Variants in PITPNB observed in about 807,000 individuals in gnomAD.
PITPNB encodes phosphatidylinositol transfer protein beta.
A neutral mutation model predicts 45.9 loss-of-function variants in PITPNB; 16 were observed. The ratio of observed to expected loss-of-function variants is 0.35; its 90% CI spans 0.24 to 0.53. The LOEUF is 0.53. Ranked by LOEUF, PITPNB falls within the 20% of genes least tolerant of loss-of-function variation. The pLI, the probability that PITPNB is intolerant of heterozygous loss-of-function variation, is 0.93. For synonymous variants in PITPNB, 112 were observed against 108.9 expected (o/e 1.03, Z -0.18); for missense variants, 188 against 330.5 (o/e 0.57, Z 3.34).
intron 7 of PITPNB, among the ~76,000 whole-genome samples, chr22:27,887,380 AAG>A (rs1226981047): frequency 3.3e-5 from 5 of 152,198 alleles, no homozygotes; most frequent in African/African-American, 9.6e-5. Context: ...TTTACAAAGC[AAG>A]AGAGTCAGGC....
chr22:27,879,791 A>C (rs1934917291), intron 7 of PITPNB, among the ~76,000 whole-genome samples: 1 of 152,156 alleles, frequency 6.6e-6, no homozygotes, highest in South Asian at 2.1e-4. Flanking sequence ...AACATATTAT[A>C]TCAATTTCCT....
At chr22:27,902,133 C>CT (rs2146411635) in intron 3 of PITPNB, among the ~76,000 whole-genome samples, 1 of 152,094 alleles carries the variant, frequency 6.6e-6, no homozygotes, top group Non-Finnish European at 1.5e-5. Flanking sequence ...GAACAGGGTA[C>CT]TGGGCAATCA....
intron 9 of PITPNB, 82 bp downstream of exon 9, chr22:27,860,049 T>C: frequency 1.3e-6 from 1 of 763,632 alleles, no homozygotes; most frequent in Non-Finnish European, 2.3e-6. Flanking sequence ...GGAAAAAAAG[T>C]AATAACAGAG....
chr22:27,871,623 A>G (rs1934661070), intron 8 of PITPNB, among the ~76,000 whole-genome samples: 1 of 152,232 alleles, frequency 6.6e-6, no homozygotes, highest in Non-Finnish European at 1.5e-5. Flanking sequence ...GAAGCTAGAA[A>G]TCTGGAAAAG....
At chr22:27,855,510 A>G (rs1254526164) in intron 10 of PITPNB, among the ~76,000 whole-genome samples, 1 of 152,250 alleles carries the variant, frequency 6.6e-6, no homozygotes, top group Non-Finnish European at 1.5e-5. Flanking sequence ...TCATAACAAT[A>G]GCCTCCAGAC....
At chr22:27,893,802 G>T (rs1029396919) in intron 7 of PITPNB, among the ~76,000 whole-genome samples, 9 of 151,906 alleles carry the variant, frequency 5.9e-5, no homozygotes, top group African/African-American at 2.2e-4. Context: ...TGTTGTCCAG[G>T]CTGGTCTCAA....
intron 8 of PITPNB, among the ~76,000 whole-genome samples, chr22:27,863,696 T>G (rs1267919782): frequency 6.6e-6 from 1 of 152,214 alleles, no homozygotes; most frequent in Non-Finnish European, 1.5e-5. Flanking sequence ...AGCAATTTTA[T>G]AAAAACAGTG....
intron 7 of PITPNB, among the ~76,000 whole-genome samples, chr22:27,891,492 T>C (rs920892967): frequency 3.9e-5 from 6 of 152,222 alleles, no homozygotes; most frequent in Non-Finnish European, 5.9e-5. Flanking sequence ...GGCTGTATGA[T>C]AAGATCTGGC....
chr22:27,887,250 T>C (rs112252959), intron 7 of PITPNB, among the ~76,000 whole-genome samples: 2,565 of 152,294 alleles, frequency 0.017, 37 homozygotes, highest in African/African-American at 0.039. Flanking sequence ...CGATCTCCCA[T>C]TCAGAAGGTG....
intron 7 of PITPNB, among the ~76,000 whole-genome samples, chr22:27,892,072 CT>C (rs750953319): frequency 2.6e-5 from 4 of 152,208 alleles, no homozygotes; most frequent in Non-Finnish European, 5.9e-5. Context: ...TCAATCCAGT[CT>C]TTTTCACTAG....
At chr22:27,893,582 C>CTTTTTTTT (rs745878388) in intron 7 of PITPNB, among the ~76,000 whole-genome samples, 8 of 74,046 alleles carry the variant, frequency 1.1e-4, no homozygotes, top group Admixed American at 4.0e-4. Context: ...CATGTCTAGC[C>CTTTTTTTT]TTTTTTTTTT....
At position 27,873,942 on chromosome 22, in the gene PITPNB, G is replaced by C. The variant is rs926466; in HGVS notation, c.457-127C>G. 1.0e-4 allele frequency: 66 copies of C among 630,844 alleles called. No individual in the cohort carries two copies. The Middle Eastern group carries it at 4.5e-3, about 43-fold the overall frequency. The allele number at this position is 630,844 out of a possible 1,614,324, so 39.1% of individuals were successfully genotyped here. ...TCAATTAGACTCACTGTGCTTTTGC[G>C]TAAAAGTAGAAAAATGCTTCTTTAA... On this transcript the variant is annotated intron_variant, in intron 7 of 11. Coordinates refer to ENST00000335272, the MANE Select transcript of PITPNB (RefSeq NM_012399.5).
chr22:27,888,734 G>A (rs1484115798), intron 7 of PITPNB, among the ~76,000 whole-genome samples: 1 of 152,188 alleles, frequency 6.6e-6, no homozygotes, highest in Non-Finnish European at 1.5e-5. Flanking sequence ...GGCAAGCTCC[G>A]ACCTACCTAG....
rs535505514 is a variant in PITPNB at position 27,903,447 on chromosome 22, C to A, written c.198-5555G>T. On this transcript the variant is annotated intron_variant, in intron 3 of 11. Transcript: ENST00000335272. Reference sequence around the variant, plus strand: ...TCACGCCATTGCACTCTAGCCTGGGCAACAAGAGTGAAACTGTCTCAAAAA... The same window carrying A: ...TCACGCCATTGCACTCTAGCCTGGGAAACAAGAGTGAAACTGTCTCAAAAA... Among the ~76,000 whole-genome samples, 489 of 118,442 alleles carry A rather than the reference C, an allele frequency of 4.1e-3. 6 individuals carry two copies. The highest frequency in any genetic ancestry group is 0.021 in the Middle Eastern group (3 of 142). The allele number at this position is 118,442 out of a possible 152,430, so 77.7% of individuals were successfully genotyped here. A position where few individuals can be genotyped will look rare whatever the true frequency, so the allele number is the denominator to read the frequency against.
Position 27,857,598 on chromosome 22 carries a change from C to T in PITPNB, c.768+789G>A, listed in dbSNP as rs796462941. Among the ~76,000 whole-genome samples, 1,068 of 152,326 alleles carry T rather than the reference C, an allele frequency of 7.0e-3. 13 individuals are homozygous for T. Among genetic ancestry groups the T allele is most frequent in the African/African-American group, 0.025 (1,031 of 41,564 alleles). On this transcript the variant is annotated intron_variant, in intron 10 of 11. Coordinates refer to ENST00000335272, the MANE Select transcript of PITPNB (RefSeq NM_012399.5). ...CAAAACTGGACCTGCTGGCAGGACT[C>T]GAGATGACCACATGGAAACCACTAG...
chr22:27,906,122 T>A (rs1935751028), intron 3 of PITPNB, among the ~76,000 whole-genome samples: 1 of 152,106 alleles, frequency 6.6e-6, no homozygotes, highest in South Asian at 2.1e-4. Flanking sequence ...AAATCAGCCA[T>A]GGAATGCCTC....
chr22:27,874,376 A>G (rs915756579), intron 7 of PITPNB, among the ~76,000 whole-genome samples: 31 of 152,058 alleles, frequency 2.0e-4, no homozygotes, highest in Non-Finnish European at 7.4e-5. Flanking sequence ...TGGGATACAC[A>G]TGGCTTGTCT....
chr22:27,857,973 A>T (rs1934219811), intron 10 of PITPNB, among the ~76,000 whole-genome samples: 1 of 152,144 alleles, frequency 6.6e-6, no homozygotes, highest in Non-Finnish European at 1.5e-5. Context: ...TTTTCTACAA[A>T]AAAAGCGAAC....
intron 2 of PITPNB, among the ~76,000 whole-genome samples, chr22:27,913,295 A>G (rs988748055): frequency 1.3e-5 from 2 of 152,054 alleles, no homozygotes; most frequent in Non-Finnish European, 2.9e-5. Context: ...CACTTCCTGC[A>G]TTTCTTTCTG....
Sources: allele counts gnomAD v4.1 joint callset (sites outside exome capture counted in the v4.1 genomes callset), GRCh38; gene constraint gnomAD v4.1.1; transcripts MANE v1.5; gene names NCBI Gene and HGNC (gene_info 2026-07-23, HGNC 2026-07-21).